The following KMT2B variants were observed in gnomAD, a reference collection of about 807,000 sequenced individuals.
KMT2B encodes the protein lysine methyltransferase 2B.
Under a neutral mutation model 255.3 loss-of-function variants are expected in KMT2B, and 22 were observed. The ratio of observed to expected loss-of-function variants is 0.09; its 90% CI spans 0.06 to 0.12. KMT2B has a LOEUF of 0.12. Ranked by LOEUF, KMT2B falls within the 10% of genes least tolerant of loss-of-function variation. The probability of loss-of-function intolerance (pLI) is 1.00; values close to 1 mark genes in which losing one functional copy is unlikely to be tolerated. For missense variants in KMT2B, 3,149 were observed against 3,737.0 expected (o/e 0.84, Z 4.10); for synonymous variants, 1,730 against 1,498.1 (o/e 1.15, Z -3.57).
rs200028664 is a variant in KMT2B at position 35,730,703 on chromosome 19, C to T, written c.5277-4C>T. 6.8e-6 allele frequency: 11 copies of T among 1,613,928 alleles called. No individual in the cohort carries two copies. The highest frequency in any genetic ancestry group is 5.0e-5 in the Admixed American group (3 of 60,030). On this transcript the variant is annotated splice_region_variant and splice_polypyrimidine_tract_variant and intron_variant, in intron 25 of 36. Transcript: ENST00000420124. ...CATCCTAACCGTCTTATCCCACATG[C>T]CAGGTGCTCCCGTCTGTACTGGAGC... is the stretch of plus-strand genomic sequence containing the variant.
chr19:35,733,611 G>C lies in KMT2B; in HGVS notation c.6974G>C (p.Arg2325Thr). 1 of 1,584,986 alleles carries C rather than the reference G, an allele frequency of 6.3e-7. No individual in the cohort carries two copies. Among genetic ancestry groups the C allele is most frequent in the African/African-American group, 1.3e-5 (1 of 74,436 alleles). ...CGCCCTCCCAGGTTTAGCCGTGTGAGGATGAAAACCCCCACAGTGCGTGGG... is the reference window on the plus strand; with the variant it reads ...CGCCCTCCCAGGTTTAGCCGTGTGACGATGAAAACCCCCACAGTGCGTGGG... ...GLGSGGFSRV[R>T]MKTPTVRGVL... is the part of the protein sequence containing the mutation. Residue 2325 changes from arginine to threonine, a missense_variant, in exon 29 of 37, where the codon AGG becomes ACG. Physicochemically the swap from Arg to Thr is moderately conservative, Grantham distance 71. Transcript: ENST00000420124. The surrounding 1 kb of genome is among the most constrained non-coding windows in gnomAD (Gnocchi z 4.3).
rs1250580167 is a variant in KMT2B, at chr19:35,732,601, G to A, written c.6052G>A (p.Gly2018Arg). 4.3e-6 allele frequency: 7 copies of A among 1,612,640 alleles called. No individual in the cohort carries two copies. The highest frequency in any genetic ancestry group is 1.7e-5 in the Admixed American group (1 of 59,902). ...CGCTGGGGCCATGGGGAGCAGCCACGGGGGCCCGGGGGACAGCTCCGAGGA... is the reference window on the plus strand; with the variant it reads ...CGCTGGGGCCATGGGGAGCAGCCACAGGGGCCCGGGGGACAGCTCCGAGGA... ...VAAGAMGSSH[G>R]GPGDSSEEES... is the part of the protein sequence containing the mutation. The change falls in exon 28 of 37, where the codon GGG becomes AGG. Residue 2018 changes from glycine to arginine, a missense_variant. Transcript: ENST00000420124.
chr19:35,730,273 G>T (rs1027357396), intron 23 of KMT2B, 69 bp from the exon 24 acceptor site: 17 of 1,603,462 alleles, frequency 1.1e-5, no homozygotes, highest in Non-Finnish European at 1.5e-5. Context: ...GCCCCTGACT[G>T]TTCAGACTTC....
chr19:35,737,429 C>A lies in KMT2B; in HGVS notation c.7550+166C>A. 1 of 889,116 alleles carries A rather than the reference C, an allele frequency of 1.1e-6. No homozygotes were observed. Among genetic ancestry groups the A allele is most frequent in the East Asian group, 2.7e-5 (1 of 37,096 alleles). The allele number at this position is 889,116 out of a possible 1,614,324, so 55.1% of individuals were successfully genotyped here. ...AGGCTCCGTGGCTCATGCCTGTAAT[C>A]CCGCCACTTTGGGAGGCCGAGGCAG... is the stretch of plus-strand genomic sequence containing the variant. On this transcript the variant is annotated intron_variant, in intron 33 of 36. Transcript: ENST00000420124. This position sits in a 1 kb window ranked among gnomAD's most constrained non-coding sequence, Gnocchi z 5.3.
Position 35,732,495 on chromosome 19 carries a change from G to C in KMT2B, c.5946G>C (p.Val1982=). The C allele has an allele frequency of 6.2e-7, 1 of 1,613,936 alleles. No homozygotes were observed. The highest frequency in any genetic ancestry group is 8.5e-7 in the Non-Finnish European group (1 of 1,179,874). ...GCCCAGACTTCGAGGACATGGAGGT[G>C]GTGTCAGGACTGAGTGCTGCTGACC... ...DLGPDFEDME[V]VSGLSAADLD... is the part of the protein sequence containing the mutation. Residue 1982 remains valine, a synonymous_variant, in exon 28 of 37, where the codon GTG becomes GTC. Coordinates refer to ENST00000420124, the MANE Select transcript of KMT2B (RefSeq NM_014727.3).
Position 35,725,118 on chromosome 19 carries a change from C to A in KMT2B, c.3528+31C>A. ...GCATTGAGTGGGGCGAGTCACAGAG[C>A]CTCTGGTTGGAAGAACCTCGATGAC... On this transcript the variant is annotated intron_variant, in intron 10 of 36. Transcript: ENST00000420124. The surrounding 1 kb of genome is among the most constrained non-coding windows in gnomAD (Gnocchi z 4.1). 1 of 1,590,364 alleles carries A rather than the reference C, an allele frequency of 6.3e-7. No individual in the cohort carries two copies. The highest frequency in any genetic ancestry group is 8.6e-7 in the Non-Finnish European group (1 of 1,158,416).
chr19:35,723,906 G>A lies in KMT2B; in HGVS notation c.3233G>A (p.Arg1078His), dbSNP rs2146446415. 3 of 1,611,846 alleles carry A rather than the reference G, an allele frequency of 1.9e-6. No individual in the cohort carries two copies. Among genetic ancestry groups the A allele is most frequent in the Non-Finnish European group, 1.7e-6 (2 of 1,179,450 alleles). Residue 1078 changes from arginine to histidine, a missense_variant, in exon 8 of 37, where the codon CGC becomes CAC. Coordinates refer to ENST00000420124, the MANE Select transcript of KMT2B (RefSeq NM_014727.3). The surrounding 1 kb of genome is among the most constrained non-coding windows in gnomAD (Gnocchi z 7.5). Reference sequence around the variant, plus strand: ...CTCCTGCAGCGCAAGTCAGCTCGGCGCTGCGTCAAACAGCGACCCTCCTAT... The same window carrying A: ...CTCCTGCAGCGCAAGTCAGCTCGGCACTGCGTCAAACAGCGACCCTCCTAT... ...DSLLQRKSAR[R>H]CVKQRPSYDI... is the part of the protein sequence containing the mutation.
At position 35,721,740 on chromosome 19, in the gene KMT2B, G is replaced by A; in HGVS notation, c.2393G>A (p.Arg798Lys). 1 of 1,610,242 alleles carries A rather than the reference G, an allele frequency of 6.2e-7. No homozygotes were observed. The highest frequency in any genetic ancestry group is 8.5e-7 in the Non-Finnish European group (1 of 1,178,284). Residue 798 changes from arginine to lysine, a missense_variant, in exon 3 of 37, where the codon AGA (arginine) becomes AAA (lysine). Transcript: ENST00000420124. ...VEEKMFSLLKRAKVQLFKIDQ... is the reference protein window; with the variant it reads ...VEEKMFSLLKKAKVQLFKIDQ... ...GAGAAGATGTTCAGCCTCCTCAAGAGAGCCAAAGTGCAGCTATTCAAGATC... is the reference window on the plus strand; with the variant it reads ...GAGAAGATGTTCAGCCTCCTCAAGAAAGCCAAAGTGCAGCTATTCAAGATC...
rs780362707 is a variant in KMT2B at position 35,732,850 on chromosome 19, G to A, written c.6301G>A (p.Asp2101Asn). 6.2e-7 allele frequency: 1 copy of A among 1,609,230 alleles called. No homozygotes were observed. The highest frequency in any genetic ancestry group is 8.5e-7 in the Non-Finnish European group (1 of 1,178,396). ...GGCAGGGGTCCTTGGGGCTGCAGGGGACAGGGCCCGGCCTCCTGAGGACCT... is the reference window on the plus strand; with the variant it reads ...GGCAGGGGTCCTTGGGGCTGCAGGGAACAGGGCCCGGCCTCCTGAGGACCT... ...VRAGVLGAAG[D>N]RARPPEDLPS... The change falls in exon 28 of 37, where the codon GAC (aspartate) becomes AAC (asparagine). Residue 2101 changes from aspartate to asparagine, a missense_variant. By Grantham distance (23) the Asp-to-Asn change is conservative. Transcript: ENST00000420124.
rs1261537811 is a variant in KMT2B, at chr19:35,733,165, G to A, written c.6616G>A (p.Gly2206Arg). Reference sequence around the variant, plus strand: ...GGGGCAAGTATTTGTGAAGATGGCTGGGGAGGGTGAACCTGTCCCACCCCC... The same window carrying A: ...GGGGCAAGTATTTGTGAAGATGGCTAGGGAGGGTGAACCTGTCCCACCCCC... The part of the protein sequence containing the change: ...KLGQVFVKMA[G>R]EGEPVPPPVK... The change falls in exon 28 of 37, where the codon GGG becomes AGG. Residue 2206 changes from glycine to arginine, a missense_variant. Physicochemically the swap from Gly to Arg is moderately radical, Grantham distance 125 (BLOSUM62 -2). Transcript: ENST00000420124. This position sits in a 1 kb window ranked among gnomAD's most constrained non-coding sequence, Gnocchi z 4.3. 5 of 1,572,518 alleles carry A rather than the reference G, an allele frequency of 3.2e-6. No individual in the cohort carries two copies. The highest frequency in any genetic ancestry group is 2.3e-5 in the South Asian group (2 of 85,444).
rs780619111 is a variant in KMT2B at position 35,725,474 on chromosome 19, C to A, written c.3643-5C>A. On this transcript the variant is annotated splice_polypyrimidine_tract_variant and splice_region_variant and intron_variant, in intron 11 of 36. Coordinates refer to ENST00000420124, the MANE Select transcript of KMT2B (RefSeq NM_014727.3). This position sits in a 1 kb window ranked among gnomAD's most constrained non-coding sequence, Gnocchi z 4.1. Reference sequence around the variant, plus strand: ...CCATCATTCACTCCTTTACCCTGTCCCCAGCTGGTGTTCTGTCAAGTCTGC... The same window carrying A: ...CCATCATTCACTCCTTTACCCTGTCACCAGCTGGTGTTCTGTCAAGTCTGC... 4 of 1,610,378 alleles carry A rather than the reference C, an allele frequency of 2.5e-6. No homozygotes were observed. In the South Asian group the frequency reaches 4.4e-5, roughly 18 times the overall value.
At position 35,718,764 on chromosome 19, in the gene KMT2B, C is replaced by A. The variant is rs1248821400; in HGVS notation, c.363+383C>A. The stretch of plus-strand genomic sequence containing the variant: ...CAGGTTGGAGCTGTCTGGGCTCTTA[C>A]CTGTGGGCCGCCCCGCCGGGCCTCG... On this transcript the variant is annotated intron_variant, in intron 1 of 36. Coordinates refer to ENST00000420124, the MANE Select transcript of KMT2B (RefSeq NM_014727.3). This position sits in a 1 kb window ranked among gnomAD's most constrained non-coding sequence, Gnocchi z 5.0. Among the ~76,000 whole-genome samples the A allele has an allele frequency of 8.5e-5, 13 of 152,182 alleles. No individual in the cohort carries two copies. Among genetic ancestry groups the A allele is most frequent in the Admixed American group, 7.9e-4 (12 of 15,278 alleles).
rs374717353 is a variant in KMT2B at position 35,729,306 on chromosome 19, C to T, written c.4917+10C>T. On this transcript the variant is annotated intron_variant, in intron 22 of 36. Coordinates refer to ENST00000420124, the MANE Select transcript of KMT2B (RefSeq NM_014727.3). ...CCGAGGGAGGCAGATGGTGAGGGCG[C>T]GGGCGCAGAGAGGTGGACAGCTCTC... 35 of 1,587,316 alleles carry T rather than the reference C, an allele frequency of 2.2e-5. No homozygotes were observed. In the East Asian group the frequency reaches 2.3e-4, roughly 10 times the overall value.
rs143510936 is a variant in KMT2B at position 35,731,547 on chromosome 19, C to CG, written c.5438-358dup. Among the ~76,000 whole-genome samples the CG allele has an allele frequency of 9.5e-3, 1,446 of 152,146 alleles. 18 individuals are homozygous for CG. Among genetic ancestry groups the CG allele is most frequent in the African/African-American group, 0.034 (1,400 of 41,512 alleles). ...GTGGAGCCAGGTAATGGAGAGCCTCCGGGCCGGGGCGGGCGGGAGCGTCTG... is the reference window on the plus strand; with the variant it reads ...GTGGAGCCAGGTAATGGAGAGCCTCCGGGGCCGGGGCGGGCGGGAGCGTCTG... On this transcript the variant is annotated intron_variant, in intron 26 of 36. Coordinates refer to ENST00000420124, the MANE Select transcript of KMT2B (RefSeq NM_014727.3).
chr19:35,730,140 T>C lies in KMT2B; in HGVS notation c.5076+15T>C. ...TGGATGGCAAGGTGGGCCAGAACTG[T>C]GGGGTACACGGTTCCTTCCCCACCT... On this transcript the variant is annotated intron_variant, in intron 23 of 36. Coordinates refer to ENST00000420124, the MANE Select transcript of KMT2B (RefSeq NM_014727.3). 1 of 1,613,556 alleles carries C rather than the reference T, an allele frequency of 6.2e-7. No homozygotes were observed. The highest frequency in any genetic ancestry group is 8.5e-7 in the Non-Finnish European group (1 of 1,179,696).
Position 35,719,788 on chromosome 19 carries a change from A to T in KMT2B, c.441A>T (p.Arg147=). The change falls in exon 3 of 37, where the codon CGA becomes CGT. Residue 147 remains arginine (R), a synonymous_variant. Coordinates refer to ENST00000420124, the MANE Select transcript of KMT2B (RefSeq NM_014727.3). ...CCACAACTATTCTCCTTTTAGGTCG[A>T]GCGCCCCGAGGTCGGGGTCGCAAGC... ...LRSALRSQRG[R]APRGRGRKHK... The T allele has an allele frequency of 6.3e-7, 1 of 1,588,472 alleles. No homozygotes were observed. The highest frequency in any genetic ancestry group is 8.6e-7 in the Non-Finnish European group (1 of 1,168,338).
Position 35,719,505 on chromosome 19 carries a change from C to G in KMT2B, c.400C>G (p.Pro134Ala). ...TTTTCATTCAGATGAAGATGTGGCC[C>G]CCAGTTCCCTGCGCTCTGCGCTCCG... ...QGFHSDEDVA[P>A]SSLRSALRSQ... is the part of the protein sequence containing the mutation. Residue 134 changes from proline to alanine, a missense_variant, in exon 2 of 37, where the codon CCC becomes GCC. Around this residue, in one of 18 missense-constraint regions of KMT2B, gnomAD observed 1,188 missense variants for 1,106.4 expected, o/e 1.07. Coordinates refer to ENST00000420124, the MANE Select transcript of KMT2B (RefSeq NM_014727.3). 1 of 1,592,206 alleles carries G rather than the reference C, an allele frequency of 6.3e-7. No individual in the cohort carries two copies. Among genetic ancestry groups the G allele is most frequent in the Admixed American group, 1.8e-5 (1 of 56,792 alleles).
intron 5 of KMT2B, 103 bp from the exon 6 acceptor site, chr19:35,722,892 G>A (rs934143418): frequency 2.8e-6 from 4 of 1,433,956 alleles, no homozygotes; most frequent in African/African-American, 1.4e-5. Flanking sequence ...CAGGAACCTG[G>A]CGCTGTGAGA....
Position 35,737,463 on chromosome 19 carries a change from C to A in KMT2B, c.7551-173C>A. On this transcript the variant is annotated intron_variant, in intron 33 of 36. Transcript: ENST00000420124. The surrounding 1 kb of genome is among the most constrained non-coding windows in gnomAD (Gnocchi z 5.3). Reference sequence around the variant, plus strand: ...TTGGGAGGCCGAGGCAGGAGGATCGCATGAGCCCAGGAGTTGGAGACCAGC... The same window carrying A: ...TTGGGAGGCCGAGGCAGGAGGATCGAATGAGCCCAGGAGTTGGAGACCAGC... The A allele has an allele frequency of 1.3e-6, 1 of 762,060 alleles. No homozygotes were observed. Among genetic ancestry groups the A allele is most frequent in the Non-Finnish European group, 2.1e-6 (1 of 487,278 alleles). 47.2% of individuals were successfully genotyped at this position (762,060 alleles called of 1,614,324 possible).
Sources: allele counts gnomAD v4.1 joint callset (sites outside exome capture counted in the v4.1 genomes callset), GRCh38; gene constraint gnomAD v4.1.1; regional missense constraint gnomAD v4.1.1; non-coding constraint Gnocchi (gnomAD v3.1); transcripts MANE v1.5; gene names NCBI Gene and HGNC (gene_info 2026-07-23, HGNC 2026-07-21).